PDZRN4: variants seen among roughly 807,000 people sequenced by gnomAD.
The protein encoded by PDZRN4 is PDZ domain-containing RING finger protein 4.
A neutral mutation model predicts 99.0 loss-of-function variants in PDZRN4; 70 were observed. The observed-to-expected ratio is 0.71, with a 90% CI of 0.58 to 0.86. The LOEUF (loss-of-function observed/expected upper bound fraction) is 0.86. PDZRN4 is among the 40% of genes least tolerant of loss of function. The pLI, the probability that PDZRN4 is intolerant of heterozygous loss-of-function variation, is 0.00. For missense variants in PDZRN4, 1,474 were observed against 1,331.2 expected, an observed-to-expected ratio of 1.11 and a Z score of -1.67; for synonymous variants, 551 against 501.6, an observed-to-expected ratio of 1.10 and a Z score of -1.32.
intron 3 of PDZRN4, among the ~76,000 whole-genome samples, chr12:41,406,344 A>G (rs1952349630): frequency 6.6e-6 from 1 of 151,948 alleles, no homozygotes; most frequent in African/African-American, 2.4e-5. Flanking sequence ...GTTGAAAACG[A>G]AACAAAAAAA....
chr12:41,573,201 G>A lies in PDZRN4; in HGVS notation c.2422G>A (p.Glu808Lys), dbSNP rs147326861. Reference sequence around the variant, plus strand: ...GCAAGGTTGTAGCGCTGAAAGCAAGGAGAAGGTTTTAGAAGGCAGCAAGCT... The same window carrying A: ...GCAAGGTTGTAGCGCTGAAAGCAAGAAGAAGGTTTTAGAAGGCAGCAAGCT... ...TEQGCSAESKEKVLEGSKLPD... is the reference protein window; with the variant it reads ...TEQGCSAESKKKVLEGSKLPD... Residue 808 changes from glutamate to lysine, a missense_variant, in exon 10 of 10, where the codon GAG (glutamate) becomes AAG (lysine). By Grantham distance (56) the Glu-to-Lys change is moderately conservative. Coordinates refer to ENST00000402685, the MANE Select transcript of PDZRN4 (RefSeq NM_001164595.2). The A allele has an allele frequency of 3.1e-4, 503 of 1,614,146 alleles. 2 individuals are homozygous for A. The African/African-American group carries it at 6.3e-3, about 20-fold the overall frequency.
At chr12:41,460,650 G>T (rs1952863423) in intron 3 of PDZRN4, among the ~76,000 whole-genome samples, 1 of 152,126 alleles carries the variant, frequency 6.6e-6, no homozygotes, top group Non-Finnish European at 1.5e-5. Context: ...CAAACAATAT[G>T]TTACTAATAA....
chr12:41,215,635 T>G (rs1356283119), intron 3 of PDZRN4, among the ~76,000 whole-genome samples: 2 of 152,048 alleles, frequency 1.3e-5, no homozygotes, highest in African/African-American at 4.8e-5. Context: ...GATGATTACA[T>G]AGACATTGTA....
At chr12:41,338,409 G>T (rs978760639) in intron 3 of PDZRN4, among the ~76,000 whole-genome samples, 1 of 151,938 alleles carries the variant, frequency 6.6e-6, no homozygotes, top group East Asian at 1.9e-4. Flanking sequence ...AAGGTAAAAT[G>T]CTTATGGCCT....
chr12:41,505,319 A>G (rs1269802226), intron 3 of PDZRN4, among the ~76,000 whole-genome samples: 2 of 152,154 alleles, frequency 1.3e-5, no homozygotes, highest in African/African-American at 2.4e-5. Flanking sequence ...GTATTGTGCC[A>G]CCAGATAGCT....
Position 41,574,230 on chromosome 12 carries a change from A to T in PDZRN4, c.*340A>T, listed in dbSNP as rs1359608712. 2 of 170,402 alleles carry T rather than the reference A, an allele frequency of 1.2e-5. No homozygotes were observed. Among genetic ancestry groups the T allele is most frequent in the African/African-American group, 4.7e-5 (2 of 42,256 alleles). The allele number at this position is 170,402 out of a possible 1,614,324, so 10.6% of individuals were successfully genotyped here. ...GTATCTAATGTAAGTGAAAATCTGG[A>T]TTTATTTCTCTAGTTTACTTATTTT... On this transcript the variant is annotated 3_prime_UTR_variant, in exon 10 of 10. Transcript: ENST00000402685.
At chr12:41,191,769 TTTA>T (rs1236286282) in intron 2 of PDZRN4, among the ~76,000 whole-genome samples, 4 of 96,024 alleles carry the variant, frequency 4.2e-5, no homozygotes. Flanking sequence ...TATTTATTTA[TTTA>T]TTTATTTATT....
intron 2 of PDZRN4, among the ~76,000 whole-genome samples, chr12:41,192,832 G>C (rs1418258743): frequency 6.6e-6 from 1 of 152,200 alleles, no homozygotes; most frequent in Middle Eastern, 3.2e-3. Flanking sequence ...TTTTCAAAAT[G>C]CATATTTTAA....
chr12:41,208,096 T>C (rs1950863418), intron 3 of PDZRN4, among the ~76,000 whole-genome samples: 1 of 152,034 alleles, frequency 6.6e-6, no homozygotes, highest in Admixed American at 6.6e-5. Flanking sequence ...CTGAGTGTCC[T>C]GTCTTTTGTG....
intron 3 of PDZRN4, among the ~76,000 whole-genome samples, chr12:41,353,904 T>A (rs2121044958): frequency 6.6e-6 from 1 of 152,232 alleles, no homozygotes; most frequent in Admixed American, 6.5e-5. Flanking sequence ...CTAAGGAGTT[T>A]GAACTTCAAT....
At chr12:41,485,390 G>A (rs918505224) in intron 3 of PDZRN4, among the ~76,000 whole-genome samples, 6 of 152,118 alleles carry the variant, frequency 3.9e-5, no homozygotes, top group Non-Finnish European at 5.9e-5. Flanking sequence ...TTTCAATTCC[G>A]GTACGGAAAT....
chr12:41,330,699 G>T (rs949418074), intron 3 of PDZRN4, among the ~76,000 whole-genome samples: 3 of 151,934 alleles, frequency 2.0e-5, no homozygotes, highest in African/African-American at 7.2e-5. Flanking sequence ...TGCAAGTGAA[G>T]AAATACATTC....
chr12:41,387,707 C>A (rs148619457), intron 3 of PDZRN4, among the ~76,000 whole-genome samples: 26 of 152,274 alleles, frequency 1.7e-4, no homozygotes, highest in African/African-American at 6.3e-4. Context: ...TAGAGAAATG[C>A]AAATCAAAAC....
At chr12:41,346,211 C>T (rs924840977) in intron 3 of PDZRN4, among the ~76,000 whole-genome samples, 2 of 152,248 alleles carry the variant, frequency 1.3e-5, no homozygotes, top group East Asian at 1.9e-4. Flanking sequence ...GCCTGTAATC[C>T]CAGCACTTTG....
chr12:41,413,489 T>C (rs1398214310), intron 3 of PDZRN4, among the ~76,000 whole-genome samples: 3 of 152,092 alleles, frequency 2.0e-5, no homozygotes, highest in Non-Finnish European at 4.4e-5. Context: ...AATACTATAC[T>C]ATATAGTTTC....
intron 3 of PDZRN4, among the ~76,000 whole-genome samples, chr12:41,400,700 G>T (rs562365040): frequency 6.6e-6 from 1 of 152,214 alleles, no homozygotes; most frequent in Admixed American, 6.5e-5. Context: ...CTTTCTTACA[G>T]TAGAATCTAA....
chr12:41,564,017 T>C (rs1939318338), intron 8 of PDZRN4, among the ~76,000 whole-genome samples: 1 of 152,184 alleles, frequency 6.6e-6, no homozygotes, highest in African/African-American at 2.4e-5. Context: ...CTTAAATAAA[T>C]ACTCAAATGA....
intron 4 of PDZRN4, among the ~76,000 whole-genome samples, chr12:41,508,808 G>A (rs1042788466): frequency 6.6e-6 from 1 of 152,098 alleles, no homozygotes; most frequent in African/African-American, 2.4e-5. Flanking sequence ...GAGGGCATGA[G>A]GATGGGTCTC....
intron 6 of PDZRN4, among the ~76,000 whole-genome samples, chr12:41,552,965 A>G (rs1939084529): frequency 6.6e-6 from 1 of 152,212 alleles, no homozygotes; most frequent in African/African-American, 2.4e-5. Context: ...GAATACTTTC[A>G]CCCCAGAATC....
Sources: allele counts gnomAD v4.1 joint callset (sites outside exome capture counted in the v4.1 genomes callset), GRCh38; gene constraint gnomAD v4.1.1; transcripts MANE v1.5; gene names NCBI Gene and HGNC (gene_info 2026-07-23, HGNC 2026-07-21).